Variants in ROCK1 observed in about 807,000 individuals in gnomAD.
The protein encoded by ROCK1 is Rho associated coiled-coil containing protein kinase 1, also known as rho-associated protein kinase 1.
In ROCK1, 36 loss-of-function variants were observed where a neutral mutation model predicts 196.8. That is an observed-to-expected ratio of 0.18 (90% CI 0.14 to 0.24). The LOEUF (loss-of-function observed/expected upper bound fraction) is 0.24, where lower values mean the gene tolerates loss of function less well. Ranked by LOEUF, ROCK1 falls within the 10% of genes least tolerant of loss-of-function variation. The pLI, the probability that ROCK1 is intolerant of heterozygous loss-of-function variation, is 1.00. For missense variants in ROCK1, 920 were observed against 1,562.0 expected (o/e 0.59, Z 6.93); for synonymous variants, 443 against 515.9 (o/e 0.86, Z 1.91).
At chr18:20,976,360 G>A (rs1241864404) in intron 22 of ROCK1, among the ~76,000 whole-genome samples, 1 of 152,080 alleles carries the variant, frequency 6.6e-6, no homozygotes, top group African/African-American at 2.4e-5. Context: ...CTAGAAAATT[G>A]TCTGGAGGGA....
At chr18:21,024,735 G>T (rs2035942194) in intron 10 of ROCK1, among the ~76,000 whole-genome samples, 1 of 152,148 alleles carries the variant, frequency 6.6e-6, no homozygotes, top group Non-Finnish European at 1.5e-5. Flanking sequence ...AAAAGAAACA[G>T]CTAGAAATAT....
chr18:20,958,934 A>T lies in ROCK1; in HGVS notation c.3512+906T>A, dbSNP rs1213895721. ...ATTTTATATATTTTATATATATATTATATAAAAAATAATATATATATTTTA... is the reference window on the plus strand; with the variant it reads ...ATTTTATATATTTTATATATATATTTTATAAAAAATAATATATATATTTTA... On this transcript the variant is annotated intron_variant, in intron 29 of 32. Coordinates refer to ENST00000399799, the MANE Select transcript of ROCK1 (RefSeq NM_005406.3). Among the ~76,000 whole-genome samples the T allele has an allele frequency of 5.4e-4, 48 of 88,518 alleles. 1 individual carries two copies. Among genetic ancestry groups the T allele is most frequent in the South Asian group, 1.9e-3 (7 of 3,646 alleles). The allele number at this position is 88,518 out of a possible 152,430, so 58.1% of individuals were successfully genotyped here. A position where few individuals can be genotyped will look rare whatever the true frequency, so the allele number is the denominator to read the frequency against.
chr18:21,068,650 T>C (rs1305574160), intron 2 of ROCK1, among the ~76,000 whole-genome samples: 5 of 152,232 alleles, frequency 3.3e-5, no homozygotes, highest in Non-Finnish European at 5.9e-5. Context: ...TACAATGCTG[T>C]ATAGTTTTCA....
rs1392451837 is a variant in ROCK1 at position 20,947,520 on chromosome 18, CA to C, written c.*3863del. The C allele has an allele frequency of 6.6e-6, 1 of 151,696 alleles. No homozygotes were observed. The highest frequency in any genetic ancestry group is 1.9e-4 in the East Asian group (1 of 5,166). The allele number at this position is 151,696 out of a possible 1,614,324, so 9.4% of individuals were successfully genotyped here. A position where few individuals can be genotyped will look rare whatever the true frequency, so the allele number is the denominator to read the frequency against. Reference sequence around the variant, plus strand: ...ATTTGAACAGTAAACATTATAAAAACAAAGAATAATTGTGATTAAGATTTCC... The same window carrying C: ...ATTTGAACAGTAAACATTATAAAAACAAGAATAATTGTGATTAAGATTTCC... On this transcript the variant is annotated 3_prime_UTR_variant, in exon 33 of 33. Coordinates refer to ENST00000399799, the MANE Select transcript of ROCK1 (RefSeq NM_005406.3).
rs753849751 is a variant in ROCK1 at position 21,015,418 on chromosome 18, A to G, written c.1410+13T>C. The G allele has an allele frequency of 4.7e-5, 72 of 1,533,448 alleles. No individual in the cohort carries two copies. Among genetic ancestry groups the G allele is most frequent in the Middle Eastern group, 1.7e-4 (1 of 5,730 alleles). The allele number at this position is 1,533,448 out of a possible 1,614,324, so 95.0% of individuals were successfully genotyped here. On this transcript the variant is annotated intron_variant, in intron 13 of 32. Transcript: ENST00000399799. ...ATCTCAAAAAGGAAACTTGATTAGA[A>G]AACAAAAAGTACCTCTTCATCCAAT...
Position 20,994,476 on chromosome 18 carries a change from A to T in ROCK1, c.1886-1539T>A, listed in dbSNP as rs1298726438. 2.0e-5 allele frequency among the ~76,000 whole-genome samples: 3 copies of T among 152,286 alleles called. No homozygotes were observed. In the East Asian group the frequency reaches 5.8e-4, roughly 29 times the overall value. ...TGGTGAAACCCTGTCTCAAATACAA[A>T]AATCAGCTGGGTGTGGTGACACAAG... On this transcript the variant is annotated intron_variant, in intron 16 of 32. Transcript: ENST00000399799.
chr18:21,081,450 T>C lies in ROCK1; in HGVS notation c.94-10837A>G, dbSNP rs750500227. Among the ~76,000 whole-genome samples the C allele has an allele frequency of 4.6e-5, 7 of 151,962 alleles. No homozygotes were observed. In the East Asian group the frequency reaches 9.6e-4, roughly 21 times the overall value. ...AATCAATAAAAATAACCTAACTTAA[T>C]ACTATAAGGAACTAGAAAAAGAAAA... On this transcript the variant is annotated intron_variant, in intron 1 of 32. Coordinates refer to ENST00000399799, the MANE Select transcript of ROCK1 (RefSeq NM_005406.3).
rs1598567240 is a variant in ROCK1 at position 21,110,972 on chromosome 18, A to C, written c.-62T>G. The C allele has an allele frequency of 7.1e-7, 1 of 1,409,310 alleles. No individual in the cohort carries two copies. The highest frequency in any genetic ancestry group is 1.4e-5 in the African/African-American group (1 of 70,892). 87.3% of individuals were successfully genotyped at this position (1,409,310 alleles called of 1,614,324 possible). ...CAGCAGCGGAAAGCAATTTCAACCA[A>C]CTTCCTCCGCGGTGGGTTCGCAGCC... On this transcript the variant is annotated 5_prime_UTR_variant, in exon 1 of 33. Transcript: ENST00000399799.
chr18:20,992,569 T>C (rs185791025), intron 17 of ROCK1, among the ~76,000 whole-genome samples: 6 of 152,286 alleles, frequency 3.9e-5, no homozygotes, highest in Admixed American at 2.0e-4. Flanking sequence ...TATAAAAAGG[T>C]ATTTCCAAAC....
chr18:21,009,053 G>A (rs1031374003), intron 13 of ROCK1, among the ~76,000 whole-genome samples: 5 of 151,140 alleles, frequency 3.3e-5, no homozygotes, highest in South Asian at 2.1e-4. Context: ...ACCCATCCCC[G>A]TCCTCCCACC....
intron 1 of ROCK1, among the ~76,000 whole-genome samples, chr18:21,095,865 G>A (rs2036608706): frequency 6.6e-6 from 1 of 151,916 alleles, no homozygotes; most frequent in Admixed American, 6.6e-5. Flanking sequence ...GTAACACAAA[G>A]GATAAATGCT....
chr18:21,032,100 T>G (rs2036013739), intron 9 of ROCK1, among the ~76,000 whole-genome samples: 1 of 152,074 alleles, frequency 6.6e-6, no homozygotes, highest in African/African-American at 2.4e-5. Flanking sequence ...AAGATATAAA[T>G]CTACACATCC....
intron 2 of ROCK1, among the ~76,000 whole-genome samples, chr18:21,064,906 A>T (rs963321750): frequency 2.3e-4 from 35 of 152,290 alleles, no homozygotes; most frequent in Admixed American, 2.6e-4. Context: ...CTTCATCAAC[A>T]TAAAGTCTTA....
chr18:21,013,393 C>T (rs2035834687), intron 13 of ROCK1, among the ~76,000 whole-genome samples: 1 of 152,204 alleles, frequency 6.6e-6, no homozygotes, highest in South Asian at 2.1e-4. Flanking sequence ...AGCAGGAGTT[C>T]TGGCACTCTA....
intron 11 of ROCK1, among the ~76,000 whole-genome samples, chr18:21,021,230 T>G (rs2035910320): frequency 6.6e-6 from 1 of 152,252 alleles, no homozygotes; most frequent in South Asian, 2.1e-4. Context: ...ACAGTGAGTT[T>G]AGCTCTGGCC....
rs1353610893 is a variant in ROCK1, at chr18:20,946,951, C to T, written c.*4433G>A. On this transcript the variant is annotated 3_prime_UTR_variant, in exon 33 of 33. Coordinates refer to ENST00000399799, the MANE Select transcript of ROCK1 (RefSeq NM_005406.3). ...AATAGCCAAACCATCCTACATGGTA[C>T]AAGAAACCAATTTATAGGATTAACA... The T allele has an allele frequency of 6.6e-6, 1 of 152,204 alleles. No homozygotes were observed. Among genetic ancestry groups the T allele is most frequent in the African/African-American group, 2.4e-5 (1 of 41,454 alleles). 9.4% of individuals were successfully genotyped at this position (152,204 alleles called of 1,614,324 possible).
chr18:20,992,622 C>T (rs1319042125), intron 17 of ROCK1, among the ~76,000 whole-genome samples: 2 of 152,166 alleles, frequency 1.3e-5, no homozygotes, highest in Non-Finnish European at 1.5e-5. Flanking sequence ...ACATCTAATG[C>T]TCTCTAGGGT....
chr18:20,957,079 CATA>C (rs1398622822), intron 29 of ROCK1, among the ~76,000 whole-genome samples: 93 of 152,162 alleles, frequency 6.1e-4, no homozygotes, highest in African/African-American at 1.8e-3. Flanking sequence ...AATAGTGTGA[CATA>C]ATAATTTTTG....
At chr18:20,976,427 T>C (rs2035481452) in intron 22 of ROCK1, among the ~76,000 whole-genome samples, 1 of 152,168 alleles carries the variant, frequency 6.6e-6, no homozygotes, top group Admixed American at 6.5e-5. Flanking sequence ...ACCTTTTACA[T>C]AAAAATTCAG....
Sources: gnomAD v4.1 joint callset for allele counts (sites outside exome capture counted in the v4.1 genomes callset) on GRCh38, gnomAD v4.1.1 for gene constraint, MANE v1.5 for transcripts, NCBI Gene and HGNC (gene_info 2026-07-23, HGNC 2026-07-21) for gene names.